Variants in CLXN observed in about 807,000 individuals in gnomAD.
CLXN encodes calaxin.
At chr8:48,730,190 G>C in the CLXN span, 4 of 306,374 alleles carry the variant, frequency 1.3e-5, no homozygotes, top group Non-Finnish European at 2.4e-5. Context: ...TTAAGAATAA[G>C]AACACTTGAA....
chr8:48,730,450 C>T, the CLXN span: 1 of 762,904 alleles, frequency 1.3e-6, no homozygotes, highest in South Asian at 2.6e-5. Flanking sequence ...AACAAACCCA[C>T]TTTACTGTCT....
the CLXN span, among the ~76,000 whole-genome samples, chr8:48,719,816 TA>T: frequency 1.3e-5 from 2 of 152,182 alleles, no homozygotes; most frequent in Non-Finnish European, 2.9e-5. Flanking sequence ...ACATCATCAT[TA>T]AAATAAAGAA....
the CLXN span, chr8:48,723,563 A>G: frequency 1.3e-5 from 2 of 152,210 alleles, no homozygotes; most frequent in African/African-American, 4.8e-5. Flanking sequence ...TAGAACAGAT[A>G]CGGTGTAACA....
chr8:48,713,049 A>G, the CLXN span, among the ~76,000 whole-genome samples: 1 of 151,896 alleles, frequency 6.6e-6, no homozygotes, highest in East Asian at 1.9e-4. Context: ...TACTTGAGAT[A>G]TATCTGTGAG....
At chr8:48,712,458 A>G in the CLXN span, 1 of 152,258 alleles carries the variant, frequency 6.6e-6, no homozygotes, top group African/African-American at 2.4e-5. Context: ...GGCAGTGTGG[A>G]GCAAAACAGA....
At chr8:48,725,204 T>C in the CLXN span, among the ~76,000 whole-genome samples, 1 of 152,134 alleles carries the variant, frequency 6.6e-6, no homozygotes, top group Non-Finnish European at 1.5e-5. Context: ...AAGGCTGTAC[T>C]GAGAGCCAAG....
the CLXN span, among the ~76,000 whole-genome samples, chr8:48,732,901 T>G: frequency 6.6e-6 from 1 of 152,064 alleles, no homozygotes; most frequent in African/African-American, 2.4e-5. Flanking sequence ...CTTAGTCAGA[T>G]TTATAGAGAC....
the CLXN span, among the ~76,000 whole-genome samples, chr8:48,717,029 G>A: frequency 6.6e-6 from 1 of 152,188 alleles, no homozygotes; most frequent in African/African-American, 2.4e-5. Context: ...GCCAGGCATG[G>A]TGGCACGTGC....
At chr8:48,730,384 T>C in the CLXN span, among the ~76,000 whole-genome samples, 7 of 152,214 alleles carry the variant, frequency 4.6e-5, no homozygotes, top group Non-Finnish European at 1.0e-4. Flanking sequence ...TTTTATTGAC[T>C]TGAATTCATT....
At chr8:48,724,801 T>A in the CLXN span, 38 of 1,610,298 alleles carry the variant, frequency 2.4e-5, no homozygotes, top group African/African-American at 4.3e-4. Context: ...TCCATCTGGC[T>A]CTGTAAAAAA....
At chr8:48,730,732 T>G in the CLXN span, 1 of 675,982 alleles carries the variant, frequency 1.5e-6, no homozygotes, top group East Asian at 3.1e-5. Context: ...CTTTTAAAAT[T>G]AAGAGAACAC....
chr8:48,730,680 G>T, the CLXN span: 10 of 1,284,136 alleles, frequency 7.8e-6, no homozygotes, highest in Non-Finnish European at 1.1e-5. Context: ...CACCTGTCCT[G>T]CATAATAACT....
chr8:48,724,902 G>C, the CLXN span: 1 of 891,336 alleles, frequency 1.1e-6, no homozygotes, highest in Non-Finnish European at 1.7e-6. Flanking sequence ...GATAACTGAG[G>C]GTTAGTGGGC....
At chr8:48,713,219 A>T in the CLXN span, among the ~76,000 whole-genome samples, 2 of 152,268 alleles carry the variant, frequency 1.3e-5, no homozygotes, top group Non-Finnish European at 2.9e-5. Flanking sequence ...CCTCTTTTGG[A>T]AATATTACCA....
At chr8:48,712,672 A>G in the CLXN span, among the ~76,000 whole-genome samples, 38 of 152,316 alleles carry the variant, frequency 2.5e-4, no homozygotes, top group Admixed American at 9.8e-4. Context: ...GGATGCCTCC[A>G]TTAGATTTCC....
the CLXN span, chr8:48,716,168 C>G: frequency 3.3e-5 from 5 of 152,476 alleles, no homozygotes; most frequent in African/African-American, 1.2e-4. Context: ...ACTGCTTGGG[C>G]GGGCCGGCAG....
chr8:48,719,546 G>A, the CLXN span, among the ~76,000 whole-genome samples: 1 of 152,148 alleles, frequency 6.6e-6, no homozygotes, highest in Non-Finnish European at 1.5e-5. Flanking sequence ...GAATTCATCA[G>A]TGCATTAAAA....
chr8:48,729,798 GTTC>G, the CLXN span: 2 of 1,613,362 alleles, frequency 1.2e-6, no homozygotes, highest in Non-Finnish European at 1.7e-6. Context: ...TGAGAAGGCT[GTTC>G]TTCAACATGT....
At chr8:48,735,039 G>A in the CLXN span, 1 of 1,597,048 alleles carries the variant, frequency 6.3e-7, no homozygotes, top group Non-Finnish European at 8.6e-7. Context: ...GCACGGGGTG[G>A]GACCCAGGCT....
Sources: gnomAD v4.1 joint callset for allele counts (sites outside exome capture counted in the v4.1 genomes callset) on GRCh38, gnomAD v4.1.1 for gene constraint, MANE v1.5 for transcripts, NCBI Gene and HGNC (gene_info 2026-07-23, HGNC 2026-07-21) for gene names.